ACSL5: variants seen among roughly 807,000 people sequenced by gnomAD.
ACSL5 encodes the protein long-chain-fatty-acid--CoA ligase 5.
ACSL5 carries 50 observed loss-of-function variants against 84.9 expected under a neutral mutation model. That is an observed-to-expected ratio of 0.59 (90% CI 0.47 to 0.75). The LOEUF (loss-of-function observed/expected upper bound fraction) is 0.75. Ranked by LOEUF, ACSL5 falls within the 30% of genes least tolerant of loss-of-function variation. ACSL5 has a pLI of 0.00. For missense variants in ACSL5, 775 were observed against 830.4 expected (o/e 0.93, Z 0.82); for synonymous variants, 280 against 300.7 (o/e 0.93, Z 0.71).
At chr10:112,390,183 G>GTA (rs1270677538) in intron 1 of ACSL5, among the ~76,000 whole-genome samples, 34 of 151,620 alleles carry the variant, frequency 2.2e-4, no homozygotes, top group Non-Finnish European at 2.4e-4. Flanking sequence ...AGTGTTGTGT[G>GTA]TATATATATA....
chr10:112,391,049 T>C (rs886306183), intron 1 of ACSL5, among the ~76,000 whole-genome samples: 1 of 152,216 alleles, frequency 6.6e-6, no homozygotes, highest in African/African-American at 2.4e-5. Context: ...AAGTGGTTAA[T>C]TCTACATTAT....
intron 17 of ACSL5, chr10:112,424,569 C>T (rs1258170171): frequency 1.3e-5 from 2 of 152,208 alleles, no homozygotes; most frequent in African/African-American, 4.8e-5. Flanking sequence ...TTATAGAAGG[C>T]TGCACCTTAT....
At position 112,416,995 on chromosome 10, in the gene ACSL5, G is replaced by A; in HGVS notation, c.1191G>A (p.Trp397Ter). 6.2e-7 allele frequency: 1 copy of A among 1,613,886 alleles called. No individual in the cohort carries two copies. The highest frequency in any genetic ancestry group is 8.5e-7 in the Non-Finnish European group (1 of 1,179,922). The change falls in exon 13 of 21, where the codon TGG becomes TGA. Residue 397 changes from tryptophan (W) to a stop codon, truncating the protein, a stop_gained. Transcript: ENST00000354655. LOFTEE classifies it high-confidence loss of function. ...QKGIIRHDSF[W>*]DKLIFAKIQD... ...GTATCATCAGGCATGATAGTTTCTG[G>A]GACAAGCTCATCTTTGCAAAGATCC...
intron 3 of ACSL5, among the ~76,000 whole-genome samples, chr10:112,401,804 C>CT (rs1377561114): frequency 8.6e-5 from 7 of 81,554 alleles, no homozygotes; most frequent in Admixed American, 8.3e-4. Context: ...TTCTTTCTTT[C>CT]TTTCTTTCTT....
At chr10:112,397,072 A>G (rs924667101) in intron 2 of ACSL5, among the ~76,000 whole-genome samples, 1 of 151,710 alleles carries the variant, frequency 6.6e-6, no homozygotes, top group African/African-American at 2.4e-5. Context: ...ACTGGACCAC[A>G]CCCGCAGCAC....
intron 1 of ACSL5, among the ~76,000 whole-genome samples, chr10:112,389,762 G>C (rs1230431533): frequency 6.6e-6 from 1 of 152,142 alleles, no homozygotes; most frequent in Non-Finnish European, 1.5e-5. Flanking sequence ...CTAATGGTTA[G>C]AATGGTAAAC....
intron 14 of ACSL5, chr10:112,418,665 A>G (rs1278305006): frequency 6.7e-6 from 1 of 149,036 alleles, no homozygotes; most frequent in Non-Finnish European, 1.5e-5. Context: ...CCTTACCAAT[A>G]ATGTAATTAA....
intron 17 of ACSL5, among the ~76,000 whole-genome samples, chr10:112,423,373 T>A (rs538327431): frequency 2.0e-5 from 3 of 149,162 alleles, no homozygotes; most frequent in Non-Finnish European, 4.5e-5. Flanking sequence ...TAAAAAAAAA[T>A]TTTTATAGAG....
In ACSL5 at chr10:112,374,199, G is replaced by A. The variant is rs1395681413; in HGVS notation, c.-100G>A. 6.6e-6 allele frequency: 1 copy of A among 152,202 alleles called. No homozygotes were observed. The highest frequency in any genetic ancestry group is 1.9e-4 in the East Asian group (1 of 5,184). The allele number at this position is 152,202 out of a possible 1,614,324, so 9.4% of individuals were successfully genotyped here. On this transcript the variant is annotated 5_prime_UTR_variant, in exon 1 of 21. In the 5' UTR this introduces an upstream ATG that the reference lacks. Transcript: ENST00000354655. ...GAAAGAGTAGAAGTGCCTGAATGTG[G>A]TGCTGAATCAATACAGCCAGCTGTG...
intron 5 of ACSL5, 92 bp from the exon 6 acceptor site, chr10:112,408,330 A>G (rs1844097240): frequency 6.0e-6 from 5 of 840,074 alleles, no homozygotes; most frequent in Non-Finnish European, 7.8e-6. Flanking sequence ...ACAAAACAAG[A>G]CAAAAAACCA....
rs533182751 is a variant in ACSL5 at position 112,410,065 on chromosome 10, A to C, written c.711+380A>C. 8.3e-5 allele frequency: 35 copies of C among 421,018 alleles called. No homozygotes were observed. The South Asian group carries it at 2.0e-3, about 24-fold the overall frequency. 26.1% of individuals were successfully genotyped at this position (421,018 alleles called of 1,614,324 possible). ...CCGTAAAATGGTGATAAAAATAATC[A>C]CTACCTCACAGAGGTCTTGTAAAGA... On this transcript the variant is annotated intron_variant, in intron 7 of 20. Transcript: ENST00000354655.
chr10:112,426,233 T>G, intron 18 of ACSL5, 25 bp from the exon 19 acceptor site: 1 of 1,593,120 alleles, frequency 6.3e-7, no homozygotes, highest in Non-Finnish European at 8.6e-7. Flanking sequence ...CTCATGCCCT[T>G]GCACCTTTTA....
At chr10:112,376,217 C>T in intron 1 of ACSL5, 1 of 1,521,128 alleles carries the variant, frequency 6.6e-7, no homozygotes, top group Non-Finnish European at 8.9e-7. Context: ...GAAGTGAAGT[C>T]CCCGAGCACG....
rs780290913 is a variant in ACSL5 at position 112,404,526 on chromosome 10, T to C, written c.281T>C (p.Leu94Ser). 3.7e-6 allele frequency: 6 copies of C among 1,613,590 alleles called. No homozygotes were observed. The South Asian group carries it at 6.6e-5, about 18-fold the overall frequency. ...GLAVSDNGPC[L>S]GYRKPNQPYR... ...ATGTTTTTAGACAATGGGCCCTGCTTGGGATATAGAAAACCAAACCAGCCC... is the reference window on the plus strand; with the variant it reads ...ATGTTTTTAGACAATGGGCCCTGCTCGGGATATAGAAAACCAAACCAGCCC... Residue 94 changes from leucine (L) to serine (S), a missense_variant, in exon 4 of 21, where the codon TTG (leucine) becomes TCG (serine). Leu to Ser is a moderately radical substitution (Grantham distance 145, BLOSUM62 -2). Transcript: ENST00000354655.
chr10:112,410,379 G>A lies in ACSL5; in HGVS notation c.712-84G>A, dbSNP rs190516480. On this transcript the variant is annotated intron_variant, in intron 7 of 20. Transcript: ENST00000354655. ...TATATTCCCATAGAGATGTTCTCAC[G>A]GGAAAGGGAGGGAGAGGGCCACATT... 225 of 1,602,938 alleles carry A rather than the reference G, an allele frequency of 1.4e-4. 4 individuals carry two copies. The Middle Eastern group carries it at 4.8e-3, about 34-fold the overall frequency.
chr10:112,418,050 T>A, intron 14 of ACSL5, 109 bp downstream of exon 14: 1 of 845,300 alleles, frequency 1.2e-6, no homozygotes. Flanking sequence ...GAAAGTCACC[T>A]AAATTCTCAA....
At position 112,421,636 on chromosome 10, in the gene ACSL5, C is replaced by T. The variant is rs1336100636; in HGVS notation, c.1358C>T (p.Thr453Ile). ...CAAACAGAATGCACAGGTGGCTGTA[C>T]ATTTACATTACCTGGGGACTGGACA... ...YGQTECTGGC[T>I]FTLPGDWTSG... is the part of the protein sequence containing the mutation. Residue 453 changes from threonine to isoleucine, a missense_variant, in exon 15 of 21, where the codon ACA becomes ATA. Physicochemically the swap from Thr to Ile is moderately conservative, Grantham distance 89. Transcript: ENST00000354655. 1.2e-6 allele frequency: 2 copies of T among 1,614,116 alleles called. No homozygotes were observed. Among genetic ancestry groups the T allele is most frequent in the Non-Finnish European group, 1.7e-6 (2 of 1,179,968 alleles).
chr10:112,404,939 A>C (rs1335291715), intron 5 of ACSL5, 133 bp downstream of exon 5: 1 of 802,536 alleles, frequency 1.2e-6, no homozygotes, highest in Non-Finnish European at 2.0e-6. Context: ...TCTAATGCTT[A>C]TTCTACTTGA....
intron 1 of ACSL5, among the ~76,000 whole-genome samples, chr10:112,379,497 C>T (rs1849307870): frequency 6.6e-6 from 1 of 151,892 alleles, no homozygotes; most frequent in Admixed American, 6.6e-5. Flanking sequence ...CCGTGGTCAT[C>T]TCTTTTCTTT....
Sources: gnomAD v4.1 joint callset for allele counts (sites outside exome capture counted in the v4.1 genomes callset) on GRCh38, gnomAD v4.1.1 for gene constraint, MANE v1.5 for transcripts, NCBI Gene and HGNC (gene_info 2026-07-23, HGNC 2026-07-21) for gene names.